Variants in PRDM6 observed in about 807,000 individuals in gnomAD.
PRDM6 encodes putative histone-lysine N-methyltransferase PRDM6.
PRDM6 carries 25 observed loss-of-function variants against 60.8 expected under a neutral mutation model. The ratio of observed to expected loss-of-function variants is 0.41; its 90% CI spans 0.30 to 0.57. The LOEUF is 0.57. Among genes scored for constraint, PRDM6 ranks in the 20% least tolerant of loss-of-function variants. The pLI is 0.27. For missense variants in PRDM6, 839 were observed against 821.3 expected, an observed-to-expected ratio of 1.02 and a Z score of -0.26; for synonymous variants, 407 against 357.4, an observed-to-expected ratio of 1.14 and a Z score of -1.57.
intron 6 of PRDM6, among the ~76,000 whole-genome samples, chr5:123,171,857 G>A (rs1049658070): frequency 9.2e-5 from 14 of 152,168 alleles, no homozygotes; most frequent in East Asian, 3.9e-4. Context: ...AATCAAAACC[G>A]GTTTATTTGA....
At chr5:123,127,605 A>G (rs1454142993) in intron 3 of PRDM6, among the ~76,000 whole-genome samples, 3 of 152,342 alleles carry the variant, frequency 2.0e-5, no homozygotes, top group East Asian at 3.9e-4. Context: ...TGGAACATCT[A>G]TGGATGAAAT....
At chr5:123,163,279 G>C (rs1394606394) in intron 5 of PRDM6, among the ~76,000 whole-genome samples, 1 of 152,184 alleles carries the variant, frequency 6.6e-6, no homozygotes. Context: ...AGGAAAATAT[G>C]ATTTTACTTA....
chr5:123,104,298 T>TA (rs1171709527), intron 3 of PRDM6, among the ~76,000 whole-genome samples: 1 of 152,142 alleles, frequency 6.6e-6, no homozygotes, highest in African/African-American at 2.4e-5. Flanking sequence ...TTTCATATTT[T>TA]AAATATATTA....
chr5:123,146,962 G>T (rs908418926), intron 3 of PRDM6, among the ~76,000 whole-genome samples: 1 of 152,024 alleles, frequency 6.6e-6, no homozygotes, highest in African/African-American at 2.4e-5. Context: ...GAAGATACAG[G>T]TTTTCTTGAT....
At chr5:123,169,021 C>T (rs1254449427) in intron 5 of PRDM6, among the ~76,000 whole-genome samples, 1 of 152,220 alleles carries the variant, frequency 6.6e-6, no homozygotes, top group Non-Finnish European at 1.5e-5. Context: ...GGAGTGCTCC[C>T]AGGTCATGTG....
chr5:123,162,442 G>A (rs774848175), intron 5 of PRDM6, among the ~76,000 whole-genome samples: 1 of 152,210 alleles, frequency 6.6e-6, no homozygotes, highest in Non-Finnish European at 1.5e-5. Flanking sequence ...TAACCTGAGT[G>A]AAGCATTCTT....
At chr5:123,136,840 C>T (rs1764965090) in intron 3 of PRDM6, among the ~76,000 whole-genome samples, 1 of 118,488 alleles carries the variant, frequency 8.4e-6, no homozygotes, top group East Asian at 2.3e-4. Flanking sequence ...GCTCTCCTCA[C>T]TTCCCAGAGT....
chr5:123,098,605 C>G (rs1764016654), intron 2 of PRDM6, among the ~76,000 whole-genome samples: 1 of 152,236 alleles, frequency 6.6e-6, no homozygotes, highest in Non-Finnish European at 1.5e-5. Context: ...GGGGGTCCCT[C>G]TCGCGCAGGC....
chr5:123,178,651 T>C (rs920819501), intron 6 of PRDM6, among the ~76,000 whole-genome samples: 1 of 152,218 alleles, frequency 6.6e-6, no homozygotes, highest in Non-Finnish European at 1.5e-5. Context: ...TTGTATAGTA[T>C]TGAGTTATTG....
At chr5:123,175,298 G>A (rs1031431401) in intron 6 of PRDM6, among the ~76,000 whole-genome samples, 12 of 152,160 alleles carry the variant, frequency 7.9e-5, no homozygotes, top group African/African-American at 2.9e-4. Context: ...CATGGGGCAA[G>A]TCTGCCTTCA....
chr5:123,094,079 T>C (rs1261586486), intron 2 of PRDM6, among the ~76,000 whole-genome samples: 1 of 151,862 alleles, frequency 6.6e-6, no homozygotes, highest in Non-Finnish European at 1.5e-5. Flanking sequence ...GGCTTCCTTG[T>C]TGGGAACACC....
intron 3 of PRDM6, among the ~76,000 whole-genome samples, chr5:123,125,956 C>A (rs754985597): frequency 2.7e-5 from 4 of 149,714 alleles, no homozygotes; most frequent in African/African-American, 4.9e-5. Context: ...TTTATAGGGT[C>A]TTTTTCCCTG....
chr5:123,119,768 C>T (rs1338413782), intron 3 of PRDM6, among the ~76,000 whole-genome samples: 1 of 152,104 alleles, frequency 6.6e-6, no homozygotes, highest in Non-Finnish European at 1.5e-5. Context: ...TCAGATGATT[C>T]AGCCATTTAA....
At chr5:123,121,252 GAAAT>G (rs1241052017) in intron 3 of PRDM6, among the ~76,000 whole-genome samples, 1 of 152,074 alleles carries the variant, frequency 6.6e-6, no homozygotes, top group Non-Finnish European at 1.5e-5. Flanking sequence ...AAAGTACAGA[GAAAT>G]AAATAGTGAA....
chr5:123,175,666 A>G (rs1404482331), intron 6 of PRDM6, among the ~76,000 whole-genome samples: 2 of 152,186 alleles, frequency 1.3e-5, no homozygotes, highest in Non-Finnish European at 2.9e-5. Context: ...AAGTCTTGAG[A>G]GATTTGCACT....
chr5:123,140,898 T>C (rs572521439), intron 3 of PRDM6, among the ~76,000 whole-genome samples: 3 of 152,230 alleles, frequency 2.0e-5, no homozygotes, highest in African/African-American at 7.2e-5. Flanking sequence ...ATTTTTAAAG[T>C]TGTTTACAGG....
rs1055537306 is a variant in PRDM6 at position 123,190,146 on chromosome 5, G to A, written c.*2945G>A. ...AGAGCTGAATCAGGGTTTGGCTCTT[G>A]AAGCAATCCTTCTTTACTCTTTTCT... On this transcript the variant is annotated 3_prime_UTR_variant, in exon 8 of 8. Transcript: ENST00000407847. 4 of 152,186 alleles carry A rather than the reference G, an allele frequency of 2.6e-5. No homozygotes were observed. The highest frequency in any genetic ancestry group is 5.9e-5 in the Non-Finnish European group (4 of 68,014). 9.4% of individuals were successfully genotyped at this position (152,186 alleles called of 1,614,324 possible).
At position 123,175,579 on chromosome 5, in the gene PRDM6, A is replaced by C. The variant is rs537217066; in HGVS notation, c.1496+4471A>C. ...CTTGCACTTCTGTCACTGTCCTGAAATATTTTTCTCCTTACGTAGAACTGA... is the reference window on the plus strand; with the variant it reads ...CTTGCACTTCTGTCACTGTCCTGAACTATTTTTCTCCTTACGTAGAACTGA... On this transcript the variant is annotated intron_variant, in intron 6 of 7. Coordinates refer to ENST00000407847, the MANE Select transcript of PRDM6 (RefSeq NM_001136239.4). Among the ~76,000 whole-genome samples the C allele has an allele frequency of 2.6e-4, 40 of 152,256 alleles. No homozygotes were observed. The South Asian group carries it at 8.3e-3, about 32-fold the overall frequency.
rs1279580299 is a variant in PRDM6, at chr5:123,159,625, C to A, written c.1140C>A (p.Ala380=). ...SFFGIPLQCI[A]QDENLNVPST... is the part of the protein sequence containing the mutation. The stretch of plus-strand genomic sequence containing the variant: ...TTGGGATCCCCTTACAATGCATTGC[C>A]CAGGATGAAAACTGTAAGAATTTAT... The change falls in exon 5 of 8, where the codon GCC becomes GCA. Residue 380 remains alanine (A), a synonymous_variant. Coordinates refer to ENST00000407847, the MANE Select transcript of PRDM6 (RefSeq NM_001136239.4). 8.4e-6 allele frequency: 13 copies of A among 1,551,380 alleles called. No individual in the cohort carries two copies. Among genetic ancestry groups the A allele is most frequent in the Non-Finnish European group, 1.0e-5 (12 of 1,146,688 alleles).
Sources: gnomAD v4.1 joint callset for allele counts (sites outside exome capture counted in the v4.1 genomes callset) on GRCh38, gnomAD v4.1.1 for gene constraint, MANE v1.5 for transcripts, NCBI Gene and HGNC (gene_info 2026-07-23, HGNC 2026-07-21) for gene names.